MAGI3: variants seen among roughly 807,000 people sequenced by gnomAD.
The protein encoded by MAGI3 is membrane-associated guanylate kinase, WW and PDZ domain-containing protein 3.
Under a neutral mutation model 121.8 loss-of-function variants are expected in MAGI3, and 43 were observed. The ratio of observed to expected loss-of-function variants is 0.35; its 90% CI spans 0.28 to 0.46. MAGI3 has a LOEUF of 0.46. MAGI3 is among the 20% of genes least tolerant of loss of function. The probability of loss-of-function intolerance (pLI) is 1.00; values close to 1 mark genes in which losing one functional copy is unlikely to be tolerated. For synonymous variants in MAGI3, 553 were observed against 639.3 expected (o/e 0.86, Z 2.04); for missense variants, 1,547 against 1,797.3 (o/e 0.86, Z 2.52).
chr1:113,529,927 A>G (rs1658626909), intron 1 of MAGI3, among the ~76,000 whole-genome samples: 2 of 152,082 alleles, frequency 1.3e-5, no homozygotes, highest in African/African-American at 2.4e-5. Context: ...AAGTTTTTCT[A>G]TTTGTTTTTT....
At chr1:113,549,427 G>T in intron 1 of MAGI3, 88 bp from the exon 2 acceptor site, 1 of 659,792 alleles carries the variant, frequency 1.5e-6, no homozygotes, top group South Asian at 2.2e-5. Flanking sequence ...ACTGGTTTAA[G>T]AGTATTCAGT....
At chr1:113,530,166 T>C (rs942119578) in intron 1 of MAGI3, among the ~76,000 whole-genome samples, 3 of 152,178 alleles carry the variant, frequency 2.0e-5, no homozygotes, top group East Asian at 3.8e-4. Context: ...TCACATTTTA[T>C]TTTTGAGTAA....
chr1:113,540,060 AAAAGTGCTGG>A (rs1570824887), intron 1 of MAGI3, among the ~76,000 whole-genome samples: 3 of 152,230 alleles, frequency 2.0e-5, no homozygotes, highest in Non-Finnish European at 4.4e-5. Context: ...TCAGCTTCTC[AAAAGTGCTGG>A]AATTACAGGT....
chr1:113,508,230 T>C (rs1362579976), intron 1 of MAGI3, among the ~76,000 whole-genome samples: 1 of 152,180 alleles, frequency 6.6e-6, no homozygotes, highest in African/African-American at 2.4e-5. Flanking sequence ...ACATGGTATG[T>C]AAACATGGGA....
chr1:113,597,267 A>C (rs2101745658), intron 6 of MAGI3, among the ~76,000 whole-genome samples: 1 of 152,316 alleles, frequency 6.6e-6, no homozygotes, highest in East Asian at 1.9e-4. Context: ...GAATAGGCAA[A>C]TCTGTGGAAA....
chr1:113,478,108 T>C (rs1655932955), intron 1 of MAGI3, among the ~76,000 whole-genome samples: 1 of 152,200 alleles, frequency 6.6e-6, no homozygotes, highest in Non-Finnish European at 1.5e-5. Context: ...CTACACTGTT[T>C]ATTCTAGTTA....
At chr1:113,644,580 T>A (rs1652730818) in intron 11 of MAGI3, among the ~76,000 whole-genome samples, 1 of 152,162 alleles carries the variant, frequency 6.6e-6, no homozygotes. Context: ...CACGTCCGGC[T>A]GACTAAACAA....
intron 1 of MAGI3, among the ~76,000 whole-genome samples, chr1:113,490,647 C>CAT (rs1656625571): frequency 2.0e-5 from 3 of 152,096 alleles, no homozygotes; most frequent in Admixed American, 2.0e-4. Flanking sequence ...CACGGAGTGA[C>CAT]ATACATAGGC....
At chr1:113,417,379 C>T (rs1404516484) in intron 1 of MAGI3, among the ~76,000 whole-genome samples, 1 of 152,042 alleles carries the variant, frequency 6.6e-6, no homozygotes, top group African/African-American at 2.4e-5. Flanking sequence ...ATAGCCACGT[C>T]TTAAATTGGG....
At chr1:113,592,194 A>C (rs996750612) in intron 5 of MAGI3, among the ~76,000 whole-genome samples, 4 of 152,182 alleles carry the variant, frequency 2.6e-5, no homozygotes, top group Non-Finnish European at 5.9e-5. Context: ...ATAAAGGGTT[A>C]ATATGTAGAA....
At chr1:113,682,553 G>T in intron 20 of MAGI3, 1 of 1,220,178 alleles carries the variant, frequency 8.2e-7, no homozygotes. Context: ...TAATTAGTGA[G>T]CTTCTTGGGC....
chr1:113,484,615 T>C (rs1462594542), intron 1 of MAGI3, among the ~76,000 whole-genome samples: 1 of 148,586 alleles, frequency 6.7e-6, no homozygotes, highest in African/African-American at 2.5e-5. Flanking sequence ...TTCTATTATA[T>C]ATATATATAC....
intron 1 of MAGI3, among the ~76,000 whole-genome samples, chr1:113,473,309 G>C (rs1028874594): frequency 6.6e-6 from 1 of 151,704 alleles, no homozygotes; most frequent in African/African-American, 2.4e-5. Context: ...TGTGCACAAC[G>C]TGCAGGTTTG....
intron 9 of MAGI3, among the ~76,000 whole-genome samples, chr1:113,641,037 TATAA>T (rs1652457858): frequency 2.3e-5 from 3 of 129,916 alleles, no homozygotes; most frequent in Admixed American, 9.4e-5. Context: ...ATATGATATA[TATAA>T]TATATATGAT....
At chr1:113,558,833 C>G (rs564285409) in intron 2 of MAGI3, among the ~76,000 whole-genome samples, 2 of 152,270 alleles carry the variant, frequency 1.3e-5, no homozygotes, top group African/African-American at 2.4e-5. Flanking sequence ...AGGTCACATA[C>G]AAAGGGAAGC....
chr1:113,396,977 A>C (rs932189469), intron 1 of MAGI3, among the ~76,000 whole-genome samples: 1 of 152,206 alleles, frequency 6.6e-6, no homozygotes, highest in African/African-American at 2.4e-5. Flanking sequence ...GCTGCATTTT[A>C]GAAAGGATTT....
At chr1:113,468,084 C>T (rs1655372977) in intron 1 of MAGI3, among the ~76,000 whole-genome samples, 1 of 152,072 alleles carries the variant, frequency 6.6e-6, no homozygotes, top group Non-Finnish European at 1.5e-5. Context: ...TCTTTTCCAC[C>T]CTTCCACTTT....
At chr1:113,536,884 T>C (rs1659033225) in intron 1 of MAGI3, among the ~76,000 whole-genome samples, 1 of 152,198 alleles carries the variant, frequency 6.6e-6, no homozygotes, top group East Asian at 1.9e-4. Context: ...TCTCCTTCAC[T>C]ACCACTGTAA....
chr1:113,553,079 G>A (rs557895666), intron 2 of MAGI3, among the ~76,000 whole-genome samples: 133 of 152,194 alleles, frequency 8.7e-4, no homozygotes, highest in African/African-American at 3.2e-3. Context: ...CAACAACGTT[G>A]AAAAAAGAGG....
Sources: gnomAD v4.1 joint callset for allele counts (sites outside exome capture counted in the v4.1 genomes callset) on GRCh38, gnomAD v4.1.1 for gene constraint, MANE v1.5 for transcripts, NCBI Gene and HGNC (gene_info 2026-07-23, HGNC 2026-07-21) for gene names.